ABLIM1: variants seen among roughly 807,000 people sequenced by gnomAD.
The protein encoded by ABLIM1 is actin binding LIM protein 1.
Under a neutral mutation model 107.0 loss-of-function variants are expected in ABLIM1, and 40 were observed. The ratio of observed to expected loss-of-function variants is 0.37; its 90% CI spans 0.29 to 0.49. The LOEUF is 0.49. Ranked by LOEUF, ABLIM1 falls within the 20% of genes least tolerant of loss-of-function variation. The probability of loss-of-function intolerance (pLI) is 0.97; values close to 1 mark genes in which losing one functional copy is unlikely to be tolerated. For synonymous variants in ABLIM1, 357 were observed against 357.3 expected, an observed-to-expected ratio of 1.00 and a Z score of 0.01; for missense variants, 857 against 1,008.5, an observed-to-expected ratio of 0.85 and a Z score of 2.04.
At chr10:114,772,447 A>T (rs1591975891), upstream of ABLIM1, among the ~76,000 whole-genome samples, 1 of 152,080 alleles carries the variant, frequency 6.6e-6, no homozygotes, top group East Asian at 1.9e-4. Flanking sequence ...ACCAAAAAAA[A>T]AAAATTTAAA....
At chr10:114,444,247 G>A in intron 16 of ABLIM1, 113 bp from the exon 17 acceptor site, 1 of 882,990 alleles carries the variant, frequency 1.1e-6, no homozygotes, top group Non-Finnish European at 1.7e-6. Flanking sequence ...TCTTGCTGGA[G>A]GGCCTGAATG....
intron 1 of ABLIM1, among the ~76,000 whole-genome samples, chr10:114,711,913 G>T (rs577467375): frequency 3.3e-5 from 5 of 152,268 alleles, no homozygotes; most frequent in Middle Eastern, 3.4e-3. Flanking sequence ...AGAAGTCAAG[G>T]GAGCCGTTGC....
chr10:114,736,542 T>C (rs1474576730), intron 1 of ABLIM1, among the ~76,000 whole-genome samples: 1 of 152,166 alleles, frequency 6.6e-6, no homozygotes, highest in Non-Finnish European at 1.5e-5. Context: ...GGGAAAAATA[T>C]AAATGGTACA....
intron 1 of ABLIM1, among the ~76,000 whole-genome samples, chr10:114,610,159 T>C (rs889881519): frequency 6.6e-6 from 1 of 152,172 alleles, no homozygotes; most frequent in African/African-American, 2.4e-5. Flanking sequence ...TGAGGAACAA[T>C]GCTTGAAGTA....
At chr10:114,447,494 T>C (rs2061192526) in intron 15 of ABLIM1, among the ~76,000 whole-genome samples, 1 of 152,244 alleles carries the variant, frequency 6.6e-6, no homozygotes, top group Admixed American at 6.5e-5. Context: ...GTCATGCTTC[T>C]ACAAACATTC....
At chr10:114,481,699 CGTT>C (rs1449838727) in intron 8 of ABLIM1, among the ~76,000 whole-genome samples, 1 of 152,170 alleles carries the variant, frequency 6.6e-6, no homozygotes, top group African/African-American at 2.4e-5. Context: ...TGCCATCAGC[CGTT>C]ATTACATGAA....
At chr10:114,598,530 G>A (rs577479598) in intron 2 of ABLIM1, among the ~76,000 whole-genome samples, 3 of 152,246 alleles carry the variant, frequency 2.0e-5, no homozygotes, top group African/African-American at 7.2e-5. Context: ...AGAGTTTGCA[G>A]TGAGCTGAGA....
intron 12 of ABLIM1, among the ~76,000 whole-genome samples, chr10:114,458,609 C>T (rs1408339731): frequency 1.3e-5 from 2 of 152,112 alleles, no homozygotes; most frequent in Non-Finnish European, 1.5e-5. Context: ...TTAAGATTGC[C>T]GGTTCTTGTC....
chr10:114,438,625 T>C (rs2139036985), intron 21 of ABLIM1, among the ~76,000 whole-genome samples: 1 of 152,330 alleles, frequency 6.6e-6, no homozygotes, highest in African/African-American at 2.4e-5. Context: ...GTTAACAATC[T>C]TGTCCCATGA....
In ABLIM1 at chr10:114,575,468, T is replaced by C; in HGVS notation, c.511A>G (p.Thr171Ala). The change falls in exon 3 of 23, where the codon ACT becomes GCT. Residue 171 changes from threonine (T) to alanine (A), a missense_variant. Thr to Ala is a moderately conservative substitution (Grantham distance 58). Transcript: ENST00000533213. ...CGEFVEGEVV[T>A]ALGKTYHPNC... ...GGATGGTAGGTCTTGCCCAGAGCAG[T>C]CACCACTTCGCCCTCCACGAACTCC... The C allele has an allele frequency of 3.7e-6, 6 of 1,614,154 alleles. No individual in the cohort carries two copies. The highest frequency in any genetic ancestry group is 5.1e-6 in the Non-Finnish European group (6 of 1,180,020).
chr10:114,571,489 G>A lies in ABLIM1; in HGVS notation c.564-83C>T, dbSNP rs115066880. On this transcript the variant is annotated intron_variant, in intron 3 of 22. Transcript: ENST00000533213. ...TATTCCTTCTGCTTGCTGCCCTCCGGTGCCCATTTATTTCTTGGAGAAGCA... is the reference window on the plus strand; with the variant it reads ...TATTCCTTCTGCTTGCTGCCCTCCGATGCCCATTTATTTCTTGGAGAAGCA... 767 of 1,344,142 alleles carry A rather than the reference G, an allele frequency of 5.7e-4. 3 individuals carry two copies. The African/African-American group carries it at 8.9e-3, about 16-fold the overall frequency. The allele number at this position is 1,344,142 out of a possible 1,614,324, so 83.3% of individuals were successfully genotyped here. A position where few individuals can be genotyped will look rare whatever the true frequency, so the allele number is the denominator to read the frequency against.
chr10:114,623,826 C>T lies in ABLIM1; in HGVS notation c.245-21865G>A, dbSNP rs1482713192. Among the ~76,000 whole-genome samples the T allele has an allele frequency of 2.0e-5, 3 of 152,198 alleles. No individual in the cohort carries two copies. In the East Asian group the frequency reaches 5.8e-4, roughly 29 times the overall value. On this transcript the variant is annotated intron_variant, in intron 1 of 22. Transcript: ENST00000533213. ...TTAGAAGTATTAAAAAAGCCAGGAT[C>T]TTCATAGTTAAATGCAAGTATTCAA...
At chr10:114,714,936 T>C (rs2081629127) in intron 1 of ABLIM1, among the ~76,000 whole-genome samples, 2 of 152,052 alleles carry the variant, frequency 1.3e-5, no homozygotes, top group East Asian at 3.9e-4. Context: ...TCCCATTCCA[T>C]CTCCCTATTA....
At chr10:114,666,250 A>G (rs961468544) in intron 1 of ABLIM1, among the ~76,000 whole-genome samples, 8 of 152,206 alleles carry the variant, frequency 5.3e-5, no homozygotes, top group African/African-American at 1.2e-4. Flanking sequence ...TGGATTTCAT[A>G]TATTTATTCT....
intron 1 of ABLIM1, among the ~76,000 whole-genome samples, chr10:114,624,735 C>A (rs762091022): frequency 1.3e-5 from 2 of 151,434 alleles, no homozygotes; most frequent in Non-Finnish European, 2.9e-5. Flanking sequence ...TTTTAGACAT[C>A]AATTAGTTGG....
the ABLIM1 span, among the ~76,000 whole-genome samples, chr10:114,773,449 C>T: frequency 4.1e-4 from 62 of 152,244 alleles, 1 homozygote; most frequent in Admixed American, 1.0e-3. Flanking sequence ...AGGCCAGGCG[C>T]GGTGGCTCAT....
intron 2 of ABLIM1, among the ~76,000 whole-genome samples, chr10:114,595,825 T>C (rs2075362009): frequency 6.6e-6 from 1 of 152,210 alleles, no homozygotes; most frequent in African/African-American, 2.4e-5. Flanking sequence ...CCTTTTGCTC[T>C]TTCCCAGGGA....
At chr10:114,654,544 C>T (rs2079404849) in intron 1 of ABLIM1, among the ~76,000 whole-genome samples, 2 of 152,006 alleles carry the variant, frequency 1.3e-5, no homozygotes, top group African/African-American at 2.4e-5. Flanking sequence ...ACTCCTAGGC[C>T]CAAGTGATCC....
intron 6 of ABLIM1, among the ~76,000 whole-genome samples, chr10:114,509,577 A>C (rs2061577472): frequency 6.6e-6 from 1 of 152,168 alleles, no homozygotes; most frequent in African/African-American, 2.4e-5. Context: ...TATGATGTAG[A>C]TCACAATACT....
Sources: allele counts gnomAD v4.1 joint callset (sites outside exome capture counted in the v4.1 genomes callset), GRCh38; gene constraint gnomAD v4.1.1; transcripts MANE v1.5; gene names NCBI Gene and HGNC (gene_info 2026-07-23, HGNC 2026-07-21).